Variants in ARHGEF7 observed in about 807,000 individuals in gnomAD.
The protein encoded by ARHGEF7 is PAK-interacting exchange factor beta.
A neutral mutation model predicts 109.8 loss-of-function variants in ARHGEF7; 33 were observed. The ratio of observed to expected loss-of-function variants is 0.30; its 90% CI spans 0.23 to 0.40. The LOEUF (loss-of-function observed/expected upper bound fraction) is 0.40. Among genes scored for constraint, ARHGEF7 ranks in the 10% least tolerant of loss-of-function variants. The probability of loss-of-function intolerance (pLI) is 1.00; values close to 1 mark genes in which losing one functional copy is unlikely to be tolerated. For synonymous variants in ARHGEF7, 458 were observed against 424.6 expected (o/e 1.08, Z -0.97); for missense variants, 938 against 1,098.5 (o/e 0.85, Z 2.07).
rs1394912115 is a variant in ARHGEF7, at chr13:111,209,967, A to T, written c.433A>T (p.Thr145Ser). The change falls in exon 4 of 22, where the codon ACT (threonine) becomes TCT (serine). Residue 145 changes from threonine (T) to serine (S), a missense_variant. Coordinates refer to ENST00000646102, the MANE Select transcript of ARHGEF7 (RefSeq NM_001354046.2). ...TGGATCACAGTCTTTGCACACTCGGACTTCAAAACTGTTCCAGGGCCAGTA... is the reference window on the plus strand; with the variant it reads ...TGGATCACAGTCTTTGCACACTCGGTCTTCAAAACTGTTCCAGGGCCAGTA... Reference protein sequence around the residue: ...SLGSQSLHTRTSKLFQGQYRS... With the variant: ...SLGSQSLHTRSSKLFQGQYRS... The T allele has an allele frequency of 6.2e-7, 1 of 1,614,216 alleles. No individual in the cohort carries two copies. Among genetic ancestry groups the T allele is most frequent in the Non-Finnish European group, 8.5e-7 (1 of 1,180,050 alleles).
chr13:111,117,515 C>T (rs1263862964), intron 1 of ARHGEF7, among the ~76,000 whole-genome samples: 1 of 152,116 alleles, frequency 6.6e-6, no homozygotes, highest in Non-Finnish European at 1.5e-5. Flanking sequence ...GTGAAGGCAG[C>T]GTATTGTAGA....
intron 5 of ARHGEF7, among the ~76,000 whole-genome samples, chr13:111,226,970 C>T (rs1284680999): frequency 6.6e-6 from 1 of 152,152 alleles, no homozygotes; most frequent in Non-Finnish European, 1.5e-5. Flanking sequence ...CTTAGGGCCT[C>T]AGGACTTCAG....
chr13:111,203,144 C>A (rs966128520), intron 2 of ARHGEF7: 3 of 1,258,612 alleles, frequency 2.4e-6, no homozygotes, highest in African/African-American at 3.1e-5. Flanking sequence ...GTATGTATTT[C>A]TTTTTGTAGT....
At chr13:111,253,647 G>T (rs1020223692) in intron 8 of ARHGEF7, among the ~76,000 whole-genome samples, 2 of 152,172 alleles carry the variant, frequency 1.3e-5, no homozygotes, top group African/African-American at 2.4e-5. Flanking sequence ...AGGGTGCCTG[G>T]ATCACTGTAC....
At position 111,217,895 on chromosome 13, in the gene ARHGEF7, C is replaced by A; in HGVS notation, c.670+15C>A. On this transcript the variant is annotated intron_variant, in intron 5 of 21. Coordinates refer to ENST00000646102, the MANE Select transcript of ARHGEF7 (RefSeq NM_001354046.2). ...CAAGGCCAGCGGTAAGTGGCCGAGC[C>A]TGGGCTGTGTGTGGCTTTTTGCGAT... is the stretch of plus-strand genomic sequence containing the variant. The A allele has an allele frequency of 6.3e-7, 1 of 1,599,384 alleles. No individual in the cohort carries two copies. Among genetic ancestry groups the A allele is most frequent in the East Asian group, 2.2e-5 (1 of 44,500 alleles).
intron 8 of ARHGEF7, among the ~76,000 whole-genome samples, chr13:111,263,515 C>T (rs534697100): frequency 7.7e-4 from 118 of 152,350 alleles, no homozygotes; most frequent in African/African-American, 2.8e-3. Flanking sequence ...GAAATCTTAG[C>T]ATAGCCCATG....
At chr13:111,251,846 C>T (rs543279421) in intron 8 of ARHGEF7, among the ~76,000 whole-genome samples, 1 of 152,346 alleles carries the variant, frequency 6.6e-6, no homozygotes, top group African/African-American at 2.4e-5. Flanking sequence ...TGGGTCACCA[C>T]CTTCACATAC....
At chr13:111,127,637 ACT>A (rs1177058840) in intron 1 of ARHGEF7, among the ~76,000 whole-genome samples, 3 of 132,166 alleles carry the variant, frequency 2.3e-5, no homozygotes, top group African/African-American at 8.9e-5. Context: ...CCAGAGTGAG[ACT>A]CTGTTTCAGA....
intron 2 of ARHGEF7, chr13:111,159,172 A>G (rs756748396): frequency 7.1e-5 from 49 of 692,096 alleles, no homozygotes; most frequent in South Asian, 2.0e-4. Context: ...TCTTAGCACA[A>G]TGTTCTCCAG....
chr13:111,150,115 T>C (rs1240681924), intron 1 of ARHGEF7, among the ~76,000 whole-genome samples: 3 of 152,252 alleles, frequency 2.0e-5, no homozygotes, highest in Non-Finnish European at 2.9e-5. Flanking sequence ...TGTTGGCAAC[T>C]GTCTCTCAAA....
At chr13:111,119,391 C>T (rs2067022569) in intron 1 of ARHGEF7, among the ~76,000 whole-genome samples, 1 of 152,206 alleles carries the variant, frequency 6.6e-6, no homozygotes, top group South Asian at 2.1e-4. Context: ...AGTTTATTAG[C>T]TATTGATCTG....
At chr13:111,287,759 G>C (rs1029988802) in intron 17 of ARHGEF7, among the ~76,000 whole-genome samples, 1 of 152,224 alleles carries the variant, frequency 6.6e-6, no homozygotes, top group Non-Finnish European at 1.5e-5. Flanking sequence ...GTGGGCCCAA[G>C]CTCCCCTGGC....
intron 1 of ARHGEF7, among the ~76,000 whole-genome samples, chr13:111,121,322 T>G (rs1484661554): frequency 6.6e-6 from 1 of 152,216 alleles, no homozygotes; most frequent in Non-Finnish European, 1.5e-5. Flanking sequence ...AATAACTCAC[T>G]GTAGTTTCTG....
intron 2 of ARHGEF7, among the ~76,000 whole-genome samples, chr13:111,174,400 C>G (rs562808980): frequency 6.6e-6 from 1 of 152,320 alleles, no homozygotes; most frequent in East Asian, 1.9e-4. Flanking sequence ...TTTTCTCCCC[C>G]TTTGGTCCTT....
chr13:111,125,946 T>C (rs925536457), intron 1 of ARHGEF7, among the ~76,000 whole-genome samples: 1 of 152,234 alleles, frequency 6.6e-6, no homozygotes, highest in African/African-American at 2.4e-5. Flanking sequence ...TTCCTGGTTC[T>C]GATTGTGTCT....
At chr13:111,134,712 G>C (rs1185013849) in intron 1 of ARHGEF7, among the ~76,000 whole-genome samples, 1 of 152,160 alleles carries the variant, frequency 6.6e-6, no homozygotes, top group Middle Eastern at 3.2e-3. Flanking sequence ...CAGATGAGTA[G>C]ATTGCAAAAA....
chr13:111,129,880 G>T (rs2074651197), intron 1 of ARHGEF7, among the ~76,000 whole-genome samples: 1 of 152,144 alleles, frequency 6.6e-6, no homozygotes, highest in Non-Finnish European at 1.5e-5. Flanking sequence ...TGAGATGTCT[G>T]CCCAAGAAAA....
chr13:111,283,681 C>G (rs1376939954), intron 16 of ARHGEF7, among the ~76,000 whole-genome samples: 1 of 152,214 alleles, frequency 6.6e-6, no homozygotes, highest in Non-Finnish European at 1.5e-5. Flanking sequence ...CTTTCACTCC[C>G]TGTGTGTGAG....
chr13:111,149,763 C>T (rs909487849), intron 1 of ARHGEF7, among the ~76,000 whole-genome samples: 1 of 152,208 alleles, frequency 6.6e-6, no homozygotes, highest in African/African-American at 2.4e-5. Flanking sequence ...ACACAATACA[C>T]ATACATATAC....
Sources: gnomAD v4.1 joint callset for allele counts (sites outside exome capture counted in the v4.1 genomes callset) on GRCh38, gnomAD v4.1.1 for gene constraint, MANE v1.5 for transcripts, NCBI Gene and HGNC (gene_info 2026-07-23, HGNC 2026-07-21) for gene names.